The following BARD1 variants were observed in gnomAD, a reference collection of about 807,000 sequenced individuals.
BARD1 encodes BRCA1-associated RING domain protein 1.
In BARD1, 73 loss-of-function variants were observed where a neutral mutation model predicts 77.0. The ratio of observed to expected loss-of-function variants is 0.95; its 90% CI spans 0.79 to 1.15. BARD1 has a LOEUF of 1.15. Among genes scored for constraint, BARD1 ranks in the 50% most tolerant of loss-of-function variants. The pLI, the probability that BARD1 is intolerant of heterozygous loss-of-function variation, is 0.00. For missense variants in BARD1, 993 were observed against 938.8 expected (o/e 1.06, Z -0.75); for synonymous variants, 384 against 338.0 (o/e 1.14, Z -1.49).
chr2:214,798,239 TTA>T (rs67985072), intron 1 of BARD1, among the ~76,000 whole-genome samples: 22,480 of 152,086 alleles, frequency 0.15, 1,718 homozygotes, highest in Non-Finnish European at 0.17. Context: ...ACCCACAATG[TTA>T]TTCTCAAGAT....
At chr2:214,806,598 G>C (rs577047124) in intron 1 of BARD1, among the ~76,000 whole-genome samples, 5 of 152,154 alleles carry the variant, frequency 3.3e-5, no homozygotes, top group Non-Finnish European at 5.9e-5. Context: ...TAAAGACCAG[G>C]CATGGTGGCT....
intron 6 of BARD1, among the ~76,000 whole-genome samples, chr2:214,757,624 AT>A (rs1408275960): frequency 6.6e-6 from 1 of 152,138 alleles, no homozygotes; most frequent in Admixed American, 6.5e-5. Context: ...ATATATTTGT[AT>A]AAACAAGTAG....
chr2:214,745,775 C>T lies in BARD1; in HGVS notation c.1757G>A (p.Ser586Asn), dbSNP rs369756202. Residue 586 changes from serine (S) to asparagine (N), a missense_variant, in exon 8 of 11, where the codon AGT (serine) becomes AAT (asparagine). Physicochemically the swap from Ser to Asn is conservative, Grantham distance 46. Transcript: ENST00000260947. The part of the protein sequence containing the change: ...GLSSEQQKML[S>N]ELAVILKAKK... ...AGCCTTAAGAATTACTGCAAGCTCA[C>T]TGAGCATTTTCTGTTGTTCTGAAGA... 1.2e-6 allele frequency: 2 copies of T among 1,614,068 alleles called. No individual in the cohort carries two copies. The highest frequency in any genetic ancestry group is 1.7e-6 in the Non-Finnish European group (2 of 1,179,982).
rs183648868 is a variant in BARD1 at position 214,764,524 on chromosome 2, A to G, written c.1568+2958T>C. ...TATTTTAAGGAAACAAAAATTCAGA[A>G]AAGCTGGTGCAAAAAATGCTTGAAG... is the stretch of plus-strand genomic sequence containing the variant. On this transcript the variant is annotated intron_variant, in intron 6 of 10. Transcript: ENST00000260947. Among the ~76,000 whole-genome samples the G allele has an allele frequency of 1.9e-3, 285 of 152,314 alleles. 2 individuals are homozygous for G. Among genetic ancestry groups the G allele is most frequent in the African/African-American group, 6.4e-3 (266 of 41,552 alleles).
At chr2:214,796,271 TA>T (rs1695749914) in intron 2 of BARD1, among the ~76,000 whole-genome samples, 1 of 152,172 alleles carries the variant, frequency 6.6e-6, no homozygotes, top group African/African-American at 2.4e-5. Context: ...CAATAACTGT[TA>T]TGCACTGAAT....
chr2:214,790,211 C>T lies in BARD1; in HGVS notation c.364+2086G>A, dbSNP rs573279203. Among the ~76,000 whole-genome samples, 4 of 152,204 alleles carry T rather than the reference C, an allele frequency of 2.6e-5. No homozygotes were observed. In the South Asian group the frequency reaches 6.2e-4, roughly 24 times the overall value. On this transcript the variant is annotated intron_variant, in intron 3 of 10. Transcript: ENST00000260947. ...GGTAAATCCATCAAGGGTTACCCTG[C>T]TCTCCATTTATCATCATTAAAAATG... is the stretch of plus-strand genomic sequence containing the variant.
intron 7 of BARD1, among the ~76,000 whole-genome samples, chr2:214,746,700 T>C (rs114154115): frequency 0.014 from 2,160 of 152,246 alleles, 12 homozygotes; most frequent in Middle Eastern, 0.027. Context: ...TAACCACATC[T>C]AACCTAAACG....
chr2:214,789,036 C>T (rs575797363), intron 3 of BARD1, among the ~76,000 whole-genome samples: 1 of 149,426 alleles, frequency 6.7e-6, no homozygotes, highest in African/African-American at 2.5e-5. Flanking sequence ...GTAGAAAAAG[C>T]TCTACACCAT....
At chr2:214,734,161 A>G (rs1692472648) in intron 9 of BARD1, among the ~76,000 whole-genome samples, 1 of 152,156 alleles carries the variant, frequency 6.6e-6, no homozygotes, top group Non-Finnish European at 1.5e-5. Flanking sequence ...ATGGAGGACC[A>G]ATATATTTTA....
chr2:214,748,362 GA>G (rs1693241656), intron 7 of BARD1, among the ~76,000 whole-genome samples: 1 of 152,044 alleles, frequency 6.6e-6, no homozygotes, highest in Admixed American at 6.6e-5. Context: ...AGGCTCAAAA[GA>G]GGTACAAAAA....
intron 6 of BARD1, among the ~76,000 whole-genome samples, chr2:214,761,120 T>A (rs186318774): frequency 6.6e-6 from 1 of 151,854 alleles, no homozygotes; most frequent in Non-Finnish European, 1.5e-5. Flanking sequence ...TTATTATGAA[T>A]ACACTGGTCT....
intron 6 of BARD1, among the ~76,000 whole-genome samples, chr2:214,754,776 G>T (rs1225443132): frequency 3.3e-5 from 5 of 152,188 alleles, no homozygotes; most frequent in African/African-American, 1.2e-4. Flanking sequence ...TAAACTCTTA[G>T]CCCTCCTGTA....
At chr2:214,778,403 A>G (rs528326523) in intron 4 of BARD1, among the ~76,000 whole-genome samples, 138 of 152,264 alleles carry the variant, frequency 9.1e-4, no homozygotes, top group African/African-American at 3.3e-3. Context: ...ACATAATCTG[A>G]CAACTGGTGA....
intron 6 of BARD1, among the ~76,000 whole-genome samples, chr2:214,757,506 A>T (rs10190829): frequency 0.44 from 67,416 of 151,868 alleles, 15,038 homozygotes; most frequent in South Asian, 0.5. Context: ...TGTTGATAGA[A>T]CCTATGTGAA....
intron 6 of BARD1, among the ~76,000 whole-genome samples, 171 bp downstream of exon 6, chr2:214,767,311 A>AAAAG (rs111665673): frequency 6.6e-6 from 1 of 151,854 alleles, no homozygotes; most frequent in Non-Finnish European, 1.5e-5. Flanking sequence ...CTGTATCATA[A>AAAAG]AAAGGGCATG....
intron 9 of BARD1, among the ~76,000 whole-genome samples, chr2:214,742,213 A>G (rs1692868526): frequency 6.6e-6 from 1 of 152,212 alleles, no homozygotes; most frequent in South Asian, 2.1e-4. Context: ...ATAGTTTTAA[A>G]TAGCTCTGAA....
chr2:214,745,239 A>G (rs2106019407), intron 8 of BARD1, 80 bp from the exon 9 acceptor site: 2 of 1,236,176 alleles, frequency 1.6e-6, no homozygotes, highest in Admixed American at 1.8e-5. Flanking sequence ...TAACTCATCT[A>G]TATTTTGTAA....
At chr2:214,780,375 G>A (rs543912224) in intron 4 of BARD1, among the ~76,000 whole-genome samples, 185 bp downstream of exon 4, 2 of 152,258 alleles carry the variant, frequency 1.3e-5, no homozygotes, top group African/African-American at 4.8e-5. Flanking sequence ...CAGACTCAGG[G>A]GCCACTGCTC....
chr2:214,787,831 A>G (rs942052271), intron 3 of BARD1, among the ~76,000 whole-genome samples: 1 of 151,982 alleles, frequency 6.6e-6, no homozygotes, highest in Non-Finnish European at 1.5e-5. Flanking sequence ...AAGGATTATA[A>G]TCATGTACAC....
Sources: gnomAD v4.1 joint callset for allele counts (sites outside exome capture counted in the v4.1 genomes callset) on GRCh38, gnomAD v4.1.1 for gene constraint, MANE v1.5 for transcripts, NCBI Gene and HGNC (gene_info 2026-07-23, HGNC 2026-07-21) for gene names.